Variants in SRRM3 observed in about 807,000 individuals in gnomAD.
SRRM3 encodes serine/arginine repetitive matrix protein 3.
A neutral mutation model predicts 66.2 loss-of-function variants in SRRM3; 27 were observed. The ratio of observed to expected loss-of-function variants is 0.41; its 90% CI spans 0.30 to 0.56. The LOEUF (loss-of-function observed/expected upper bound fraction) is 0.56. SRRM3 is among the 20% of genes least tolerant of loss of function. The pLI, the probability that SRRM3 is intolerant of heterozygous loss-of-function variation, is 0.32. For missense variants in SRRM3, 918 were observed against 991.9 expected (o/e 0.93, Z 1.00); for synonymous variants, 391 against 414.9 (o/e 0.94, Z 0.70).
At chr7:76,232,971 G>A (rs1383870243) in intron 1 of SRRM3, among the ~76,000 whole-genome samples, 3 of 151,888 alleles carry the variant, frequency 2.0e-5, no homozygotes, top group African/African-American at 4.8e-5. Flanking sequence ...GTGGTAACAG[G>A]GGAGGAGAGG....
chr7:76,261,731 G>T, intron 8 of SRRM3, 150 bp downstream of exon 8: 2 of 891,688 alleles, frequency 2.2e-6, no homozygotes, highest in South Asian at 1.4e-5. Flanking sequence ...CGGGGACAGG[G>T]CAGTGGAGAA....
chr7:76,240,999 C>T (rs1167040341), intron 2 of SRRM3, among the ~76,000 whole-genome samples: 1 of 152,002 alleles, frequency 6.6e-6, no homozygotes, highest in East Asian at 1.9e-4. Flanking sequence ...CAGGTTCAAG[C>T]GATTCGTCCT....
intron 3 of SRRM3, among the ~76,000 whole-genome samples, chr7:76,253,148 C>G (rs570651239): frequency 4.1e-4 from 62 of 151,730 alleles, no homozygotes; most frequent in African/African-American, 1.5e-3. Context: ...GCCTGGGTGA[C>G]AGAGCAAGAC....
Position 76,211,901 on chromosome 7 carries a change from G to A in SRRM3, c.-40+9834G>A, listed in dbSNP as rs142284694. On this transcript the variant is annotated intron_variant, in intron 1 of 14. Coordinates refer to ENST00000611745, the MANE Select transcript of SRRM3 (RefSeq NM_001110199.3). Reference sequence around the variant, plus strand: ...CTTGTCCAGGCTGGAGTGCAGTGGCGCAATCACGGCTCACTGCAGCTTCCA... The same window carrying A: ...CTTGTCCAGGCTGGAGTGCAGTGGCACAATCACGGCTCACTGCAGCTTCCA... Among the ~76,000 whole-genome samples the A allele has an allele frequency of 1.4e-3, 214 of 148,520 alleles. 10 individuals carry two copies. In the South Asian group the frequency reaches 0.04, roughly 28 times the overall value.
chr7:76,219,264 G>A (rs1554602946), intron 1 of SRRM3, among the ~76,000 whole-genome samples: 1 of 152,180 alleles, frequency 6.6e-6, no homozygotes, highest in East Asian at 1.9e-4. Flanking sequence ...TCCTGGCTTG[G>A]CTGGGTCTGT....
Position 76,283,039 on chromosome 7 carries a change from C to T in SRRM3, c.1671C>T (p.Tyr557=). Residue 557 remains tyrosine, a synonymous_variant, in exon 14 of 15, where the codon TAC becomes TAT. Transcript: ENST00000611745. ...ATRARRRSRS[Y]SPIRKRRRDS... is the part of the protein sequence containing the mutation. ...GCGCCCGGCGCCGCTCCCGCAGCTA[C>T]TCGCCCATCCGCAAGCGGCGCCGGG... 1 of 1,494,266 alleles carries T rather than the reference C, an allele frequency of 6.7e-7. No homozygotes were observed. Among genetic ancestry groups the T allele is most frequent in the Non-Finnish European group, 8.8e-7 (1 of 1,132,706 alleles). The allele number at this position is 1,494,266 out of a possible 1,614,324, so 92.6% of individuals were successfully genotyped here.
chr7:76,262,529 A>C (rs1002499001), intron 8 of SRRM3, among the ~76,000 whole-genome samples: 7 of 151,420 alleles, frequency 4.6e-5, no homozygotes, highest in South Asian at 4.2e-4. Flanking sequence ...AAAAAAAAAA[A>C]AAAAAACAAA....
intron 2 of SRRM3, 76 bp downstream of exon 2, chr7:76,235,375 G>A: frequency 7.7e-7 from 1 of 1,299,386 alleles, no homozygotes; most frequent in Non-Finnish European, 1.0e-6. Context: ...GATGCTGCAC[G>A]TGGGCGTGGC....
At chr7:76,205,359 G>A (rs1800270186) in intron 1 of SRRM3, among the ~76,000 whole-genome samples, 1 of 152,086 alleles carries the variant, frequency 6.6e-6, no homozygotes, top group Non-Finnish European at 1.5e-5. Flanking sequence ...ACAGGCATGT[G>A]CCACCACACC....
intron 10 of SRRM3, among the ~76,000 whole-genome samples, chr7:76,266,648 T>TTA (rs1411495335): frequency 3.8e-5 from 5 of 132,202 alleles, no homozygotes; most frequent in African/African-American, 5.7e-5. Context: ...TATTTATATA[T>TTA]TATATATATT....
At position 76,222,698 on chromosome 7, in the gene SRRM3, T is replaced by C. The variant is rs564587942; in HGVS notation, c.-39-12330T>C. On this transcript the variant is annotated intron_variant, in intron 1 of 14. Coordinates refer to ENST00000611745, the MANE Select transcript of SRRM3 (RefSeq NM_001110199.3). ...GTGCAGTGGCGTGATCTTGACTCAC[T>C]GAAACCTCTGCCTCCTGGGTTCAAG... is the stretch of plus-strand genomic sequence containing the variant. Among the ~76,000 whole-genome samples the C allele has an allele frequency of 5.0e-4, 76 of 152,152 alleles. 1 individual carries two copies. The Middle Eastern group carries it at 0.02, about 41-fold the overall frequency.
rs1554612672 is a variant in SRRM3, at chr7:76,285,684, C to G, written c.1803C>G (p.Asp601Glu). The G allele has an allele frequency of 1.3e-6, 2 of 1,551,190 alleles. No individual in the cohort carries two copies. Among genetic ancestry groups the G allele is most frequent in the Non-Finnish European group, 1.7e-6 (2 of 1,146,934 alleles). The change falls in exon 15 of 15, where the codon GAC (aspartate) becomes GAG (glutamate). Residue 601 changes from aspartate to glutamate, a missense_variant. Coordinates refer to ENST00000611745, the MANE Select transcript of SRRM3 (RefSeq NM_001110199.3). The surrounding 1 kb of genome is among the most constrained non-coding windows in gnomAD (Gnocchi z 4.1). ...PSSSSSCLSSDYSTRSHSRSP... is the reference protein window; with the variant it reads ...PSSSSSCLSSEYSTRSHSRSP... ...CCTCCTCCAGCTGCTTGAGCAGCGA[C>G]TACTCGACCCGGAGCCACAGCCGCA...
At chr7:76,215,556 T>A (rs1308133287) in intron 1 of SRRM3, among the ~76,000 whole-genome samples, 1 of 149,846 alleles carries the variant, frequency 6.7e-6, no homozygotes, top group Non-Finnish European at 1.5e-5. Context: ...CGTGCACTAC[T>A]ACACTGGCTA....
chr7:76,204,943 A>C (rs1297726416), intron 1 of SRRM3, among the ~76,000 whole-genome samples: 1 of 152,066 alleles, frequency 6.6e-6, no homozygotes, highest in Non-Finnish European at 1.5e-5. Context: ...TTCTCCTCTG[A>C]ACATCGCTTC....
intron 3 of SRRM3, among the ~76,000 whole-genome samples, chr7:76,249,718 C>T (rs1220560546): frequency 6.6e-6 from 1 of 152,166 alleles, no homozygotes; most frequent in South Asian, 2.1e-4. Context: ...CCTCAGTTTC[C>T]CCGCCCAGCA....
At chr7:76,261,030 G>A in intron 6 of SRRM3, 127 bp downstream of exon 6, 1 of 1,026,484 alleles carries the variant, frequency 9.7e-7, no homozygotes, top group Non-Finnish European at 1.4e-6. Flanking sequence ...CTGCCAAGGT[G>A]CAAGTTTTGC....
chr7:76,221,359 C>CTTT lies in SRRM3; in HGVS notation c.-39-13650_-39-13648dup, dbSNP rs781915041. On this transcript the variant is annotated intron_variant, in intron 1 of 14. Transcript: ENST00000611745. ...TTTGAGCCACTGGGCCTGCCCTCCT[C>CTTT]TTTTTTTTTTTTTTTTTTTTTGAGA... Among the ~76,000 whole-genome samples the CTTT allele has an allele frequency of 5.5e-4, 52 of 95,344 alleles. 1 individual carries two copies. The highest frequency in any genetic ancestry group is 7.6e-4 in the East Asian group (2 of 2,626). 62.5% of individuals were successfully genotyped at this position (95,344 alleles called of 152,430 possible).
At chr7:76,245,746 A>C (rs1433526202) in intron 2 of SRRM3, among the ~76,000 whole-genome samples, 2 of 152,130 alleles carry the variant, frequency 1.3e-5, no homozygotes, top group African/African-American at 4.8e-5. Flanking sequence ...CCCAGGCTGG[A>C]GTGCAGGGGC....
intron 1 of SRRM3, among the ~76,000 whole-genome samples, chr7:76,209,439 G>A (rs1020700043): frequency 1.2e-4 from 18 of 152,100 alleles, no homozygotes; most frequent in African/African-American, 4.3e-4. Flanking sequence ...AGACAGAGAG[G>A]GCAGAGGATT....
Sources: gnomAD v4.1 joint callset for allele counts (sites outside exome capture counted in the v4.1 genomes callset) on GRCh38, gnomAD v4.1.1 for gene constraint, Gnocchi (gnomAD v3.1) non-coding constraint, MANE v1.5 for transcripts, NCBI Gene and HGNC (gene_info 2026-07-23, HGNC 2026-07-21) for gene names.